Variants in INPP4B observed in about 807,000 individuals in gnomAD.
INPP4B encodes inositol polyphosphate-4-phosphatase type II B, also known as inositol polyphosphate 4-phosphatase type II.
Under a neutral mutation model 122.5 loss-of-function variants are expected in INPP4B, and 55 were observed. That is an observed-to-expected ratio of 0.45 (90% confidence interval 0.36 to 0.56). The LOEUF is 0.56. INPP4B is among the 20% of genes least tolerant of loss of function. The pLI is 0.00. For synonymous variants in INPP4B, 403 were observed against 388.7 expected, an observed-to-expected ratio of 1.04 and a Z score of -0.43; for missense variants, 1,000 against 1,097.7, an observed-to-expected ratio of 0.91 and a Z score of 1.26.
At chr4:142,765,910 T>C (rs1449810341) in intron 1 of INPP4B, 2 of 151,714 alleles carry the variant, frequency 1.3e-5, no homozygotes, top group African/African-American at 4.8e-5. Flanking sequence ...GCTAACAAGG[T>C]GCTATTTTTT....
At chr4:142,387,558 A>T (rs540509478) in intron 7 of INPP4B, among the ~76,000 whole-genome samples, 1 of 152,002 alleles carries the variant, frequency 6.6e-6, no homozygotes, top group African/African-American at 2.4e-5. Context: ...TGTGGCAAGC[A>T]GGGTTAGGTC....
intron 3 of INPP4B, among the ~76,000 whole-genome samples, chr4:142,450,346 T>C (rs1052775244): frequency 6.6e-6 from 1 of 152,186 alleles, no homozygotes; most frequent in Admixed American, 6.5e-5. Flanking sequence ...TCATCCAGAA[T>C]TTAACAATTC....
chr4:142,126,604 G>A (rs958123748), intron 18 of INPP4B, among the ~76,000 whole-genome samples: 28 of 152,130 alleles, frequency 1.8e-4, no homozygotes, highest in African/African-American at 5.8e-4. Flanking sequence ...AGGATAAAAA[G>A]CATAAAGAAA....
intron 1 of INPP4B, among the ~76,000 whole-genome samples, chr4:142,844,523 C>T (rs998141766): frequency 2.0e-5 from 3 of 152,232 alleles, no homozygotes; most frequent in South Asian, 2.1e-4. Context: ...ACCTTCAATG[C>T]CCATGTACCT....
intron 11 of INPP4B, among the ~76,000 whole-genome samples, chr4:142,246,609 G>A (rs987629023): frequency 6.6e-6 from 1 of 152,068 alleles, no homozygotes; most frequent in Non-Finnish European, 1.5e-5. Context: ...TCTATTATTG[G>A]TGTATAGGAA....
intron 1 of INPP4B, among the ~76,000 whole-genome samples, chr4:142,733,154 T>C (rs932264906): frequency 1.3e-5 from 2 of 152,130 alleles, no homozygotes; most frequent in South Asian, 2.1e-4. Flanking sequence ...CTCCTACATA[T>C]ACAAAAATCA....
chr4:142,840,844 C>T (rs1019798547), intron 1 of INPP4B, among the ~76,000 whole-genome samples: 3 of 151,900 alleles, frequency 2.0e-5, no homozygotes, highest in African/African-American at 7.2e-5. Flanking sequence ...ATTCATAATT[C>T]CTTCAAAATA....
intron 2 of INPP4B, among the ~76,000 whole-genome samples, chr4:142,615,781 G>T (rs1434848699): frequency 6.6e-6 from 1 of 152,042 alleles, no homozygotes; most frequent in Non-Finnish European, 1.5e-5. Context: ...TTCAGTCAGT[G>T]GGGGACTTAA....
chr4:142,495,175 G>T (rs190010030), intron 2 of INPP4B, among the ~76,000 whole-genome samples: 1 of 150,914 alleles, frequency 6.6e-6, no homozygotes, highest in African/African-American at 2.4e-5. Context: ...TCTATTATAC[G>T]TGAAACTATA....
In INPP4B at chr4:142,260,531, T is replaced by C. The variant is rs1469954496; in HGVS notation, c.649A>G (p.Ser217Gly). 1 of 1,610,590 alleles carries C rather than the reference T, an allele frequency of 6.2e-7. No homozygotes were observed. Among genetic ancestry groups the C allele is most frequent in the Non-Finnish European group, 8.5e-7 (1 of 1,177,900 alleles). ...ALVCECTAPE[S>G]VSGKDNLPFL... ...GGTAAGTTATCTTTTCCGCTCACAC[T>C]TTCCGGGGCTGTACATTCACATACC... The change falls in exon 11 of 26, where the codon AGT becomes GGT. Residue 217 changes from serine to glycine, a missense_variant. Ser to Gly is a moderately conservative substitution (Grantham distance 56). Transcript: ENST00000262992.
intron 3 of INPP4B, among the ~76,000 whole-genome samples, chr4:142,447,946 A>G (rs1452166469): frequency 6.6e-6 from 1 of 152,178 alleles, no homozygotes; most frequent in Non-Finnish European, 1.5e-5. Flanking sequence ...TGGAAGGTGA[A>G]AAAGACTGTT....
At chr4:142,308,105 T>G (rs746944006) in intron 8 of INPP4B, among the ~76,000 whole-genome samples, 13 of 152,140 alleles carry the variant, frequency 8.5e-5, no homozygotes, top group African/African-American at 1.2e-4. Flanking sequence ...GGCTTGTCCA[T>G]CTCCTAGCTG....
At chr4:142,289,019 A>C (rs1038323933) in intron 9 of INPP4B, among the ~76,000 whole-genome samples, 2 of 152,102 alleles carry the variant, frequency 1.3e-5, no homozygotes. Context: ...ACTCTTTCTT[A>C]CTTTCAATGT....
intron 2 of INPP4B, among the ~76,000 whole-genome samples, chr4:142,551,192 T>C (rs753639258): frequency 6.6e-6 from 1 of 152,168 alleles, no homozygotes; most frequent in South Asian, 2.1e-4. Flanking sequence ...TCCAATTTCC[T>C]TGGACGACGC....
At position 142,301,973 on chromosome 4, in the gene INPP4B, T is replaced by C. The variant is rs560873868; in HGVS notation, c.503+3485A>G. Among the ~76,000 whole-genome samples the C allele has an allele frequency of 9.8e-5, 15 of 152,312 alleles. No individual in the cohort carries two copies. In the South Asian group the frequency reaches 2.7e-3, roughly 27 times the overall value. Reference sequence around the variant, plus strand: ...ACTTTTATATTATTTTATATTTAACTTTTATATTCATCAACTTATAAGACA... The same window carrying C: ...ACTTTTATATTATTTTATATTTAACCTTTATATTCATCAACTTATAAGACA... On this transcript the variant is annotated intron_variant, in intron 9 of 25. Transcript: ENST00000262992.
chr4:142,580,319 G>A (rs1734800548), intron 2 of INPP4B, among the ~76,000 whole-genome samples: 1 of 151,938 alleles, frequency 6.6e-6, no homozygotes, highest in Admixed American at 6.6e-5. Context: ...GTTAAACAAT[G>A]TTAGGTACTT....
chr4:142,803,548 G>C (rs1207760704), intron 1 of INPP4B, among the ~76,000 whole-genome samples: 1 of 150,874 alleles, frequency 6.6e-6, no homozygotes, highest in Non-Finnish European at 1.5e-5. Flanking sequence ...TTTTACTACA[G>C]AGATAGAACC....
intron 7 of INPP4B, among the ~76,000 whole-genome samples, chr4:142,384,723 G>A (rs992415574): frequency 1.3e-5 from 2 of 152,040 alleles, no homozygotes; most frequent in African/African-American, 4.8e-5. Flanking sequence ...GGATACATGT[G>A]CAGGTTTTAG....
At chr4:142,256,135 A>G (rs1735875413) in intron 11 of INPP4B, among the ~76,000 whole-genome samples, 2 of 149,966 alleles carry the variant, frequency 1.3e-5, no homozygotes, top group African/African-American at 4.9e-5. Context: ...AGGCAGAAAT[A>G]AAGATGTTCT....
Sources: gnomAD v4.1 joint callset for allele counts (sites outside exome capture counted in the v4.1 genomes callset) on GRCh38, gnomAD v4.1.1 for gene constraint, MANE v1.5 for transcripts, NCBI Gene and HGNC (gene_info 2026-07-23, HGNC 2026-07-21) for gene names.